The following CSMD3 variants were observed in gnomAD, a reference collection of about 807,000 sequenced individuals.
CSMD3 encodes CUB and Sushi multiple domains 3.
CSMD3 carries 177 observed loss-of-function variants against 435.2 expected under a neutral mutation model. That is an observed-to-expected ratio of 0.41 (90% CI 0.36 to 0.46). The LOEUF (loss-of-function observed/expected upper bound fraction) is 0.46, where lower values mean the gene tolerates loss of function less well. Among genes scored for constraint, CSMD3 ranks in the 20% least tolerant of loss-of-function variants. The probability of loss-of-function intolerance (pLI) is 0.34; values close to 1 mark genes in which losing one functional copy is unlikely to be tolerated. For missense variants in CSMD3, 4,265 were observed against 4,504.6 expected (o/e 0.95, Z 1.52); for synonymous variants, 1,656 against 1,520.5 (o/e 1.09, Z -2.07).
chr8:113,340,007 T>A (rs909597444), intron 1 of CSMD3, among the ~76,000 whole-genome samples: 1 of 151,778 alleles, frequency 6.6e-6, no homozygotes, highest in Admixed American at 6.6e-5. Context: ...AACATTTAGG[T>A]TTTTTTTAGC....
At chr8:112,920,010 T>C (rs996738949) in intron 10 of CSMD3, among the ~76,000 whole-genome samples, 4 of 151,736 alleles carry the variant, frequency 2.6e-5, no homozygotes, top group African/African-American at 9.7e-5. Flanking sequence ...AGAACTCGAG[T>C]ACAGAGACAC....
chr8:112,501,093 C>T (rs1821902447), intron 30 of CSMD3, among the ~76,000 whole-genome samples: 1 of 151,800 alleles, frequency 6.6e-6, no homozygotes, highest in Non-Finnish European at 1.5e-5. Flanking sequence ...AGAGAGCTGT[C>T]CTCCTTTGTC....
chr8:112,587,857 G>A (rs1830862797), intron 22 of CSMD3, among the ~76,000 whole-genome samples: 1 of 151,772 alleles, frequency 6.6e-6, no homozygotes, highest in Non-Finnish European at 1.5e-5. Context: ...TAGAAAATTA[G>A]ACTAGATTAA....
chr8:112,905,747 T>C (rs1434899402), intron 10 of CSMD3, among the ~76,000 whole-genome samples: 2 of 151,452 alleles, frequency 1.3e-5, no homozygotes, highest in Non-Finnish European at 3.0e-5. Flanking sequence ...AATGCTTATA[T>C]TCTGGCTACT....
chr8:112,942,137 G>GT (rs1246982765), intron 9 of CSMD3, among the ~76,000 whole-genome samples: 64 of 144,702 alleles, frequency 4.4e-4, no homozygotes, highest in East Asian at 1.2e-3. Context: ...GACAACCAGT[G>GT]TTTTTTTTTA....
chr8:112,503,211 A>T (rs1219134013), intron 30 of CSMD3, among the ~76,000 whole-genome samples: 3 of 152,068 alleles, frequency 2.0e-5, no homozygotes, highest in Non-Finnish European at 2.9e-5. Flanking sequence ...CTTCTTGAGT[A>T]GCTGGGACTA....
At chr8:112,279,377 A>G (rs1818409736) in intron 59 of CSMD3, among the ~76,000 whole-genome samples, 1 of 152,190 alleles carries the variant, frequency 6.6e-6, no homozygotes, top group Non-Finnish European at 1.5e-5. Context: ...TCTCACCTTA[A>G]ACATTGAAAC....
At chr8:113,276,163 C>T (rs992991922) in intron 3 of CSMD3, among the ~76,000 whole-genome samples, 1 of 152,066 alleles carries the variant, frequency 6.6e-6, no homozygotes, top group African/African-American at 2.4e-5. Flanking sequence ...CCCTCTACCT[C>T]CCCAAAAATG....
At chr8:113,408,888 C>T (rs1427133309) in intron 1 of CSMD3, among the ~76,000 whole-genome samples, 4 of 152,052 alleles carry the variant, frequency 2.6e-5, no homozygotes, top group African/African-American at 4.8e-5. Context: ...TGCTCTCGAA[C>T]TCCTGACCTC....
rs2082779960 is a variant in CSMD3 at position 112,922,605 on chromosome 8, C to T, written c.1509-854G>A. Among the ~76,000 whole-genome samples the T allele has an allele frequency of 3.3e-5, 5 of 151,974 alleles. No homozygotes were observed. The South Asian group carries it at 1.0e-3, about 32-fold the overall frequency. ...TTTAATTGTTTTGATTTTTAGATCC[C>T]TCAGGTAAGTGAGAACATGTGATAT... On this transcript the variant is annotated intron_variant, in intron 9 of 70. Coordinates refer to ENST00000297405, the MANE Select transcript of CSMD3 (RefSeq NM_198123.2).
Position 112,311,137 on chromosome 8 carries a change from G to T in CSMD3, c.7726C>A (p.Pro2576Thr). Residue 2576 changes from proline to threonine, a missense_variant, in exon 50 of 71, where the codon CCT (proline) becomes ACT (threonine). By Grantham distance (38) the Pro-to-Thr change is conservative. This residue lies in a region of CSMD3 where 3,255 missense variants were observed against 3,380.2 expected (regional missense o/e 0.96). Coordinates refer to ENST00000297405, the MANE Select transcript of CSMD3 (RefSeq NM_198123.2). ...AFYCSTPESP[P>T]HGYIISQTGG... ...GTCTGACTGATAATATATCCATGAG[G>T]TGGGGATTCTGGTGTACTACAGTAG... is the stretch of plus-strand genomic sequence containing the variant. 6.2e-7 allele frequency: 1 copy of T among 1,613,906 alleles called. No homozygotes were observed. Among genetic ancestry groups the T allele is most frequent in the Non-Finnish European group, 8.5e-7 (1 of 1,179,924 alleles).
chr8:113,229,664 C>T (rs1248752387), intron 3 of CSMD3, among the ~76,000 whole-genome samples: 1 of 151,478 alleles, frequency 6.6e-6, no homozygotes, highest in Non-Finnish European at 1.5e-5. Flanking sequence ...AAATTATATA[C>T]AAATATAATG....
intron 13 of CSMD3, among the ~76,000 whole-genome samples, chr8:112,772,426 C>T (rs1377870575): frequency 1.3e-5 from 2 of 152,082 alleles, no homozygotes; most frequent in African/African-American, 2.4e-5. Context: ...TAACAGTCAT[C>T]ACCACTCCCT....
intron 36 of CSMD3, among the ~76,000 whole-genome samples, chr8:112,384,249 A>G (rs948969385): frequency 6.6e-6 from 1 of 152,208 alleles, no homozygotes; most frequent in African/African-American, 2.4e-5. Flanking sequence ...ACACAAAAAA[A>G]TGATATTTTG....
intron 2 of CSMD3, chr8:113,313,673 T>A (rs1242762957): frequency 6.6e-6 from 1 of 152,210 alleles, no homozygotes; most frequent in Non-Finnish European, 1.5e-5. Context: ...AGTAACACCA[T>A]CAGAGAATCA....
intron 30 of CSMD3, among the ~76,000 whole-genome samples, chr8:112,497,480 A>AATATATAT (rs34936636): frequency 2.8e-5 from 4 of 144,680 alleles, no homozygotes; most frequent in South Asian, 2.2e-4. Flanking sequence ...GTACTCCATA[A>AATATATAT]ATATATATAT....
At chr8:113,024,261 T>A (rs1419900989) in intron 5 of CSMD3, among the ~76,000 whole-genome samples, 2 of 152,016 alleles carry the variant, frequency 1.3e-5, no homozygotes, top group Non-Finnish European at 2.9e-5. Flanking sequence ...GTTTCTTTCT[T>A]AAGGCTGCAT....
chr8:112,861,285 T>C (rs2080819850), intron 10 of CSMD3, among the ~76,000 whole-genome samples: 2 of 151,842 alleles, frequency 1.3e-5, no homozygotes, highest in African/African-American at 4.8e-5. Context: ...CAGATTTAAT[T>C]ACATTACCTA....
At chr8:112,855,534 C>G (rs996439804) in intron 11 of CSMD3, among the ~76,000 whole-genome samples, 5 of 151,688 alleles carry the variant, frequency 3.3e-5, no homozygotes, top group African/African-American at 4.8e-5. Flanking sequence ...CCTATAATAT[C>G]CTAAGTATCA....
Sources: allele counts gnomAD v4.1 joint callset (sites outside exome capture counted in the v4.1 genomes callset), GRCh38; gene constraint gnomAD v4.1.1; regional missense constraint gnomAD v4.1.1; transcripts MANE v1.5; gene names NCBI Gene and HGNC (gene_info 2026-07-23, HGNC 2026-07-21).